EPHA6: variants seen among roughly 807,000 people sequenced by gnomAD.
EPHA6 encodes the protein EPH receptor A6.
Under a neutral mutation model 112.0 loss-of-function variants are expected in EPHA6, and 50 were observed. The observed-to-expected ratio is 0.45, with a 90% CI of 0.36 to 0.56. The LOEUF (loss-of-function observed/expected upper bound fraction) is 0.56. Among genes scored for constraint, EPHA6 ranks in the 20% least tolerant of loss-of-function variants. EPHA6 has a pLI of 0.00. For synonymous variants in EPHA6, 529 were observed against 490.7 expected, an observed-to-expected ratio of 1.08 and a Z score of -1.03; for missense variants, 1,280 against 1,417.4, an observed-to-expected ratio of 0.90 and a Z score of 1.56.
intron 1 of EPHA6, among the ~76,000 whole-genome samples, chr3:96,834,385 A>ACC (rs1374887924): frequency 6.6e-6 from 1 of 152,060 alleles, no homozygotes; most frequent in African/African-American, 2.4e-5. Context: ...CTGTTAAAAA[A>ACC]GAAGAATGGA....
At chr3:97,534,881 T>A (rs189603831) in intron 11 of EPHA6, among the ~76,000 whole-genome samples, 1 of 152,248 alleles carries the variant, frequency 6.6e-6, no homozygotes, top group African/African-American at 2.4e-5. Flanking sequence ...TTAAGCATGA[T>A]GTTGAAGTCC....
chr3:97,096,268 T>A (rs529673109), intron 3 of EPHA6, among the ~76,000 whole-genome samples: 2 of 142,892 alleles, frequency 1.4e-5, no homozygotes, highest in Non-Finnish European at 3.0e-5. Context: ...TACACACACA[T>A]ACACACCCAC....
chr3:96,866,705 T>C, intron 1 of EPHA6, 120 bp from the exon 2 acceptor site: 3 of 472,770 alleles, frequency 6.3e-6, no homozygotes, highest in Non-Finnish European at 7.4e-6. Flanking sequence ...TTAAACTTAA[T>C]TCAGTGAATA....
chr3:97,637,753 C>G, intron 13 of EPHA6, 120 bp from the exon 14 acceptor site: 1 of 742,962 alleles, frequency 1.3e-6, no homozygotes, highest in South Asian at 1.8e-5. Flanking sequence ...TCAGTGATCA[C>G]CAAAGTTGAT....
intron 14 of EPHA6, among the ~76,000 whole-genome samples, chr3:97,678,990 A>C (rs990065919): frequency 6.6e-6 from 1 of 152,164 alleles, no homozygotes; most frequent in Non-Finnish European, 1.5e-5. Context: ...TATTGTGATA[A>C]CTATATGCTT....
intron 1 of EPHA6, among the ~76,000 whole-genome samples, chr3:96,851,370 A>G (rs572553990): frequency 1.2e-4 from 19 of 152,308 alleles, no homozygotes; most frequent in African/African-American, 4.6e-4. Context: ...CAGGTTAAAT[A>G]TATTTAGAGG....
chr3:97,586,226 G>A (rs1032538036), intron 11 of EPHA6, among the ~76,000 whole-genome samples: 1 of 152,196 alleles, frequency 6.6e-6, no homozygotes, highest in African/African-American at 2.4e-5. Context: ...CCCACCTCAT[G>A]CATCACAATG....
chr3:97,687,481 C>T (rs1056957891), intron 14 of EPHA6, among the ~76,000 whole-genome samples: 6 of 152,036 alleles, frequency 3.9e-5, no homozygotes, highest in Non-Finnish European at 7.4e-5. Context: ...GAGATCGTAA[C>T]GCGATGAAAT....
Position 96,914,715 on chromosome 3 carries a change from T to C in EPHA6, c.450+47826T>C, listed in dbSNP as rs975837465. Among the ~76,000 whole-genome samples, 13 of 152,108 alleles carry C rather than the reference T, an allele frequency of 8.5e-5. 1 individual carries two copies. The highest frequency in any genetic ancestry group is 7.2e-4 in the Admixed American group (11 of 15,262). ...TAAAAGAAAACTGAGAGAATCTTCT[T>C]GTTTGCTAGCAAAATTTGAAAATAC... On this transcript the variant is annotated intron_variant, in intron 2 of 17. Coordinates refer to ENST00000389672, the MANE Select transcript of EPHA6 (RefSeq NM_001080448.3).
chr3:97,486,157 A>G (rs977478344), intron 10 of EPHA6, among the ~76,000 whole-genome samples: 1 of 152,236 alleles, frequency 6.6e-6, no homozygotes, highest in Non-Finnish European at 1.5e-5. Flanking sequence ...CTAATAAGTC[A>G]TAATGGCGTT....
At chr3:96,958,557 T>G (rs1034511342) in intron 2 of EPHA6, among the ~76,000 whole-genome samples, 1 of 152,196 alleles carries the variant, frequency 6.6e-6, no homozygotes, top group Non-Finnish European at 1.5e-5. Context: ...CTTGCACTGG[T>G]TATTTGCATG....
At chr3:97,526,013 A>G (rs1370496071) in intron 10 of EPHA6, among the ~76,000 whole-genome samples, 1 of 152,160 alleles carries the variant, frequency 6.6e-6, no homozygotes, top group East Asian at 1.9e-4. Flanking sequence ...ATGGGCTTAA[A>G]CTGAGACATA....
chr3:96,831,025 A>G (rs994673573), intron 1 of EPHA6, among the ~76,000 whole-genome samples: 1 of 152,168 alleles, frequency 6.6e-6, no homozygotes, highest in Admixed American at 6.6e-5. Context: ...AATGTTGTAC[A>G]TGATAAATAC....
At chr3:96,912,350 AAAC>A (rs1181512210) in intron 2 of EPHA6, among the ~76,000 whole-genome samples, 2 of 152,144 alleles carry the variant, frequency 1.3e-5, no homozygotes. Flanking sequence ...ATCAATAGTG[AAAC>A]AACAAGTATG....
chr3:97,758,994 T>C lies in EPHA6; in HGVS notation c.*10293T>C, dbSNP rs2036092179. On this transcript the variant is annotated 3_prime_UTR_variant, in exon 18 of 18. Coordinates refer to ENST00000389672, the MANE Select transcript of EPHA6 (RefSeq NM_001080448.3). ...GATTTGGAAGGCATCAGTATATATA[T>C]GCTATTTAAAGTTTGGAAATCACCT... Among the ~76,000 whole-genome samples, 3 of 152,018 alleles carry C rather than the reference T, an allele frequency of 2.0e-5. No homozygotes were observed. Among genetic ancestry groups the C allele is most frequent in the Admixed American group, 2.0e-4 (3 of 15,252 alleles).
At position 97,532,421 on chromosome 3, in the gene EPHA6, C is replaced by T; in HGVS notation, c.2264C>T (p.Ala755Val). 1 of 1,612,520 alleles carries T rather than the reference C, an allele frequency of 6.2e-7. No homozygotes were observed. Among genetic ancestry groups the T allele is most frequent in the Non-Finnish European group, 8.5e-7 (1 of 1,178,954 alleles). ...CCAGGGAAAAGAGAGATCCCAGTTG[C>T]CATTAAAACTTTGAAAGGTGGCCAC... ...KTPGKREIPV[A>V]IKTLKGGHMD... Residue 755 changes from alanine to valine, a missense_variant, in exon 11 of 18, where the codon GCC becomes GTC. Ala to Val is a moderately conservative substitution (Grantham distance 64). Transcript: ENST00000389672.
rs948301681 is a variant in EPHA6, at chr3:97,164,394, G to A, written c.1115-61870G>A. 3.3e-5 allele frequency among the ~76,000 whole-genome samples: 5 copies of A among 152,094 alleles called. No homozygotes were observed. The South Asian group carries it at 1.0e-3, about 32-fold the overall frequency. On this transcript the variant is annotated intron_variant, in intron 3 of 17. Transcript: ENST00000389672. ...GCATTAGTAAATGGTTAAAATAATA[G>A]TATCTCTTACATATCTCATTTTATT...
chr3:97,436,940 C>G (rs1577405060), intron 6 of EPHA6, among the ~76,000 whole-genome samples: 1 of 152,052 alleles, frequency 6.6e-6, no homozygotes, highest in Non-Finnish European at 1.5e-5. Context: ...TTAAGAGATA[C>G]AACAAGTGCA....
intron 3 of EPHA6, among the ~76,000 whole-genome samples, chr3:97,164,371 A>G (rs916861410): frequency 7.2e-5 from 11 of 152,168 alleles, no homozygotes; most frequent in Middle Eastern, 3.2e-3. Context: ...ATATTCAGGC[A>G]TTAGTAAATG....
Sources: allele counts gnomAD v4.1 joint callset (sites outside exome capture counted in the v4.1 genomes callset), GRCh38; gene constraint gnomAD v4.1.1; transcripts MANE v1.5; gene names NCBI Gene and HGNC (gene_info 2026-07-23, HGNC 2026-07-21).